ARMC8: variants seen among roughly 807,000 people sequenced by gnomAD.
ARMC8 encodes armadillo repeat-containing protein 8.
ARMC8 carries 20 observed loss-of-function variants against 99.3 expected under a neutral mutation model. The observed-to-expected ratio is 0.20, with a 90% confidence interval of 0.14 to 0.29. The LOEUF (loss-of-function observed/expected upper bound fraction) is 0.29, where lower values mean the gene tolerates loss of function less well. Among genes scored for constraint, ARMC8 ranks in the 10% least tolerant of loss-of-function variants. The probability of loss-of-function intolerance (pLI) is 1.00; values close to 1 mark genes in which losing one functional copy is unlikely to be tolerated. For missense variants in ARMC8, 569 were observed against 809.5 expected (o/e 0.70, Z 3.60); for synonymous variants, 263 against 278.3 (o/e 0.95, Z 0.55).
intron 2 of ARMC8, among the ~76,000 whole-genome samples, chr3:138,220,202 C>T (rs1469368792): frequency 2.6e-5 from 4 of 152,178 alleles, no homozygotes; most frequent in African/African-American, 7.2e-5. Flanking sequence ...AACAGGCATC[C>T]ATGAGGATGC....
At chr3:138,268,465 T>C (rs2048482871) in intron 15 of ARMC8, among the ~76,000 whole-genome samples, 1 of 152,142 alleles carries the variant, frequency 6.6e-6, no homozygotes, top group South Asian at 2.1e-4. Flanking sequence ...CCTTAACTGC[T>C]CTTATATTGC....
intron 19 of ARMC8, among the ~76,000 whole-genome samples, chr3:138,286,706 G>A (rs1179897404): frequency 6.6e-6 from 1 of 152,074 alleles, no homozygotes. Context: ...AGATCACTGG[G>A]TGGTTCTTAC....
rs912811891 is a variant in ARMC8 at position 138,297,011 on chromosome 3, A to G, written c.*1119A>G. The G allele has an allele frequency of 6.6e-6, 1 of 152,256 alleles. No homozygotes were observed. Among genetic ancestry groups the G allele is most frequent in the African/African-American group, 2.4e-5 (1 of 41,476 alleles). The allele number at this position is 152,256 out of a possible 1,614,324, so 9.4% of individuals were successfully genotyped here. ...TCACTGTGAAACTAAAGAATATTCTACAGACACCCCTGTAGAAAGAAACAA... is the reference window on the plus strand; with the variant it reads ...TCACTGTGAAACTAAAGAATATTCTGCAGACACCCCTGTAGAAAGAAACAA... On this transcript the variant is annotated 3_prime_UTR_variant, in exon 22 of 22. Coordinates refer to ENST00000469044, the MANE Select transcript of ARMC8 (RefSeq NM_001363941.2).
At chr3:138,277,701 TAC>T (rs1469307351) in intron 18 of ARMC8, among the ~76,000 whole-genome samples, 1 of 152,180 alleles carries the variant, frequency 6.6e-6, no homozygotes, top group Non-Finnish European at 1.5e-5. Flanking sequence ...TGCAAAATAA[TAC>T]AGTCATTTTG....
chr3:138,231,961 CTT>C (rs61298993), intron 6 of ARMC8, among the ~76,000 whole-genome samples: 3 of 58,630 alleles, frequency 5.1e-5, no homozygotes, highest in African/African-American at 1.6e-4. Context: ...CTTGCAATTG[CTT>C]TTTTTTTTTT....
chr3:138,203,086 A>G (rs2044168656), intron 1 of ARMC8, among the ~76,000 whole-genome samples: 1 of 152,194 alleles, frequency 6.6e-6, no homozygotes, highest in Non-Finnish European at 1.5e-5. Flanking sequence ...TTCCTGAGCT[A>G]TCTGTAAGTT....
intron 9 of ARMC8, chr3:138,238,787 T>G (rs949959405): frequency 3.3e-5 from 5 of 152,232 alleles, no homozygotes; most frequent in African/African-American, 1.2e-4. Flanking sequence ...GTTTTAATTT[T>G]TTTCCCCCAT....
chr3:138,286,426 C>T (rs1322629728), intron 19 of ARMC8, among the ~76,000 whole-genome samples: 1 of 152,214 alleles, frequency 6.6e-6, no homozygotes, highest in East Asian at 1.9e-4. Context: ...TCTTACCCCA[C>T]TTACAGCAGA....
At chr3:138,286,309 A>AT (rs2050408167) in intron 19 of ARMC8, among the ~76,000 whole-genome samples, 1 of 152,100 alleles carries the variant, frequency 6.6e-6, no homozygotes, top group Admixed American at 6.6e-5. Context: ...CTCTAAAGTC[A>AT]TTTTTTAACC....
chr3:138,285,574 T>C (rs765330737), intron 19 of ARMC8, among the ~76,000 whole-genome samples: 5 of 152,216 alleles, frequency 3.3e-5, no homozygotes, highest in Admixed American at 2.6e-4. Flanking sequence ...GCTGAACTTA[T>C]ACTTTCTTAC....
chr3:138,247,684 C>T (rs1305038132), intron 12 of ARMC8, among the ~76,000 whole-genome samples: 1 of 152,172 alleles, frequency 6.6e-6, no homozygotes, highest in Admixed American at 6.5e-5. Flanking sequence ...ACGCTGGCCT[C>T]TCTTCATATA....
chr3:138,212,807 C>A (rs2044779031), intron 2 of ARMC8, among the ~76,000 whole-genome samples: 1 of 151,902 alleles, frequency 6.6e-6, no homozygotes, highest in African/African-American at 2.4e-5. Flanking sequence ...CCAAAGGTAG[C>A]CTATTAATTT....
At chr3:138,198,399 G>C (rs151293322) in intron 1 of ARMC8, among the ~76,000 whole-genome samples, 2,134 of 151,978 alleles carry the variant, frequency 0.014, 41 homozygotes, top group African/African-American at 0.049. Flanking sequence ...GGAGAGGCTG[G>C]CTTGCCCACT....
chr3:138,266,119 T>C (rs1220204765), intron 14 of ARMC8, among the ~76,000 whole-genome samples: 2 of 152,222 alleles, frequency 1.3e-5, no homozygotes, highest in Non-Finnish European at 2.9e-5. Context: ...GTATGTAACA[T>C]TGAACTTGAC....
At chr3:138,279,968 A>G (rs984097829) in intron 18 of ARMC8, among the ~76,000 whole-genome samples, 3 of 150,256 alleles carry the variant, frequency 2.0e-5, no homozygotes, top group Admixed American at 1.3e-4. Context: ...GCAGTGGCTG[A>G]TCTCGGCTCA....
intron 20 of ARMC8, among the ~76,000 whole-genome samples, chr3:138,290,344 C>CAGG (rs1163145371): frequency 5.3e-5 from 8 of 152,090 alleles, no homozygotes; most frequent in African/African-American, 1.9e-4. Flanking sequence ...GCAGGATGAT[C>CAGG]AGGAGGCAGA....
chr3:138,231,955 C>G lies in ARMC8; in HGVS notation c.528+2945C>G, dbSNP rs1211159395. On this transcript the variant is annotated intron_variant, in intron 6 of 21. Coordinates refer to ENST00000469044, the MANE Select transcript of ARMC8 (RefSeq NM_001363941.2). The stretch of plus-strand genomic sequence containing the variant: ...GGTTCAGCCACTAATTCTTTCCTTG[C>G]AATTGCTTTTTTTTTTTTTTTTTTT... Among the ~76,000 whole-genome samples, 19 of 121,946 alleles carry G rather than the reference C, an allele frequency of 1.6e-4. No homozygotes were observed. In the Admixed American group the frequency reaches 1.8e-3, roughly 11 times the overall value. The allele number at this position is 121,946 out of a possible 152,430, so 80.0% of individuals were successfully genotyped here. A position where few individuals can be genotyped will look rare whatever the true frequency, so the allele number is the denominator to read the frequency against.
intron 16 of ARMC8, among the ~76,000 whole-genome samples, chr3:138,272,404 G>A (rs2048881004): frequency 6.6e-6 from 1 of 151,236 alleles, no homozygotes; most frequent in Non-Finnish European, 1.5e-5. Flanking sequence ...TATTTGAGAA[G>A]TCTTAAGACA....
chr3:138,278,460 C>T (rs1225375262), intron 18 of ARMC8, among the ~76,000 whole-genome samples: 1 of 151,878 alleles, frequency 6.6e-6, no homozygotes, highest in Non-Finnish European at 1.5e-5. Flanking sequence ...GCCGAGATCA[C>T]ACCACTGCAC....
Sources: allele counts gnomAD v4.1 joint callset (sites outside exome capture counted in the v4.1 genomes callset), GRCh38; gene constraint gnomAD v4.1.1; transcripts MANE v1.5; gene names NCBI Gene and HGNC (gene_info 2026-07-23, HGNC 2026-07-21).